The following DPP4 variants were observed in gnomAD, a reference collection of about 807,000 sequenced individuals.
The protein encoded by DPP4 is ADCP-2.
Under a neutral mutation model 122.4 loss-of-function variants are expected in DPP4, and 93 were observed. The ratio of observed to expected loss-of-function variants is 0.76; its 90% CI spans 0.64 to 0.90. DPP4 has a LOEUF of 0.90. DPP4 is among the 40% of genes least tolerant of loss of function. The probability of loss-of-function intolerance (pLI) is 0.00; values close to 1 mark genes in which losing one functional copy is unlikely to be tolerated. For missense variants in DPP4, 914 were observed against 907.3 expected (o/e 1.01, Z -0.09); for synonymous variants, 321 against 302.9 (o/e 1.06, Z -0.62).
chr2:162,045,188 G>T (rs962356571), intron 5 of DPP4, among the ~76,000 whole-genome samples: 1 of 151,910 alleles, frequency 6.6e-6, no homozygotes, highest in South Asian at 2.1e-4. Context: ...CTGTGACAAA[G>T]GAAATAAAGG....
At chr2:162,043,473 G>A (rs1446516681) in intron 5 of DPP4, among the ~76,000 whole-genome samples, 1 of 152,172 alleles carries the variant, frequency 6.6e-6, no homozygotes, top group Non-Finnish European at 1.5e-5. Flanking sequence ...AAAAGCAAAA[G>A]CAGTTAAATA....
At chr2:161,993,940 C>A (rs1700929082) in intron 25 of DPP4, among the ~76,000 whole-genome samples, 1 of 151,940 alleles carries the variant, frequency 6.6e-6, no homozygotes, top group African/African-American at 2.4e-5. Flanking sequence ...GAAGTGAAGT[C>A]AAAAATCAGA....
rs1213940748 is a variant in DPP4, at chr2:162,074,021, C to G, written c.-40G>C. On this transcript the variant is annotated 5_prime_UTR_variant, in exon 1 of 26. Coordinates refer to ENST00000360534, the MANE Select transcript of DPP4 (RefSeq NM_001935.4). The stretch of plus-strand genomic sequence containing the variant: ...CGGAAGTGAGCGTTCAGAGAAGGAG[C>G]GCAGGCAGAAGTCACCGCGGGCGGC... 3.1e-6 allele frequency: 5 copies of G among 1,606,042 alleles called. No homozygotes were observed. The African/African-American group carries it at 4.0e-5, about 13-fold the overall frequency.
intron 10 of DPP4, 108 bp from the exon 11 acceptor site, chr2:162,025,047 G>T: frequency 8.1e-7 from 1 of 1,232,496 alleles, no homozygotes; most frequent in Non-Finnish European, 1.1e-6. Context: ...CAATCTTAAT[G>T]GGAAGTAGAA....
chr2:162,073,489 G>A lies in DPP4; in HGVS notation c.7-3C>T, dbSNP rs1159875012. On this transcript the variant is annotated splice_polypyrimidine_tract_variant and splice_region_variant and intron_variant, in intron 1 of 25. Coordinates refer to ENST00000360534, the MANE Select transcript of DPP4 (RefSeq NM_001935.4). ...CCCAGAAGAACCTTCCACGGTGTCT[G>A]CAAGCCGAGCAGATCAAGTCCAATT... is the stretch of plus-strand genomic sequence containing the variant. 2 of 1,613,680 alleles carry A rather than the reference G, an allele frequency of 1.2e-6. No individual in the cohort carries two copies. Among genetic ancestry groups the A allele is most frequent in the South Asian group, 1.1e-5 (1 of 91,042 alleles).
chr2:162,046,953 A>G lies in DPP4; in HGVS notation c.247T>C (p.Tyr83His). Residue 83 changes from tyrosine to histidine, a missense_variant, in exon 4 of 26, where the codon TAT (tyrosine) becomes CAT (histidine). Physicochemically the swap from Tyr to His is moderately conservative, Grantham distance 83. Transcript: ENST00000360534. ...TCCAAGAAAACTGAGCTGTTTCCATATTCAGCATTGAATACCAAGATATTA... is the reference window on the plus strand; with the variant it reads ...TCCAAGAAAACTGAGCTGTTTCCATGTTCAGCATTGAATACCAAGATATTA... ...ENNILVFNAEYGNSSVFLENS... is the reference protein window; with the variant it reads ...ENNILVFNAEHGNSSVFLENS... 1 of 1,598,418 alleles carries G rather than the reference A, an allele frequency of 6.3e-7. No homozygotes were observed.
chr2:162,017,091 A>G lies in DPP4; in HGVS notation c.1468+17T>C, dbSNP rs1168823359. The G allele has an allele frequency of 1.9e-6, 3 of 1,608,910 alleles. No individual in the cohort carries two copies. The highest frequency in any genetic ancestry group is 1.7e-6 in the Non-Finnish European group (2 of 1,177,376). On this transcript the variant is annotated intron_variant, in intron 17 of 25. Coordinates refer to ENST00000360534, the MANE Select transcript of DPP4 (RefSeq NM_001935.4). ...ACTTTCTTAGAAACAAATGAAGAGT[A>G]AAATATGAGAAAATACCTTTATCAT...
chr2:162,021,973 C>A (rs1683149406), intron 12 of DPP4, among the ~76,000 whole-genome samples: 1 of 152,128 alleles, frequency 6.6e-6, no homozygotes, highest in African/African-American at 2.4e-5. Flanking sequence ...GGGACCTCAC[C>A]TCTATGATCC....
chr2:162,061,255 T>G (rs900790014), intron 2 of DPP4, among the ~76,000 whole-genome samples: 1 of 152,182 alleles, frequency 6.6e-6, no homozygotes, highest in Non-Finnish European at 1.5e-5. Context: ...TGGTTAAGGA[T>G]GCAGAGTGTG....
In DPP4 at chr2:162,047,011, A is replaced by C; in HGVS notation, c.194-5T>G. 6.7e-7 allele frequency: 1 copy of C among 1,501,696 alleles called. No individual in the cohort carries two copies. Among genetic ancestry groups the C allele is most frequent in the South Asian group, 1.2e-5 (1 of 84,988 alleles). 93.0% of individuals were successfully genotyped at this position (1,501,696 alleles called of 1,614,324 possible). A position where few individuals can be genotyped will look rare whatever the true frequency, so the allele number is the denominator to read the frequency against. On this transcript the variant is annotated splice_polypyrimidine_tract_variant and splice_region_variant and intron_variant, in intron 3 of 25. Transcript: ENST00000360534. The stretch of plus-strand genomic sequence containing the variant: ...GTTTGTAGAGATATTCATGATCTAA[A>C]GAGAGAAAACACCCAGATCAAAATT...
intron 10 of DPP4, among the ~76,000 whole-genome samples, chr2:162,030,070 C>T (rs1274228549): frequency 6.6e-6 from 1 of 152,212 alleles, no homozygotes; most frequent in East Asian, 1.9e-4. Flanking sequence ...CAGGATTGGC[C>T]TCTACTGCGT....
intron 23 of DPP4, among the ~76,000 whole-genome samples, chr2:162,002,999 T>C (rs1701189489): frequency 6.6e-6 from 1 of 152,218 alleles, no homozygotes; most frequent in African/African-American, 2.4e-5. Flanking sequence ...CCACCTTAAC[T>C]ATCGCCCTCC....
At chr2:162,070,952 T>TA (rs1281639756) in intron 2 of DPP4, among the ~76,000 whole-genome samples, 2 of 152,192 alleles carry the variant, frequency 1.3e-5, no homozygotes, top group African/African-American at 4.8e-5. Flanking sequence ...CCCTCTCCTT[T>TA]ACCTCTCTCT....
At chr2:161,995,055 C>A in intron 24 of DPP4, 21 bp from the exon 25 acceptor site, 1 of 1,613,468 alleles carries the variant, frequency 6.2e-7, no homozygotes, top group Non-Finnish European at 8.5e-7. Flanking sequence ...AGAAAGGAAA[C>A]ATAAAGTAGC....
intron 14 of DPP4, 111 bp downstream of exon 14, chr2:162,020,118 A>C (rs1460312967): frequency 1.1e-6 from 1 of 906,496 alleles, no homozygotes; most frequent in Non-Finnish European, 1.7e-6. Context: ...TATTGAACAC[A>C]TTCCAAAAAG....
At position 162,022,777 on chromosome 2, in the gene DPP4, C is replaced by T. The variant is rs191729700; in HGVS notation, c.1046G>A (p.Ser349Asn). The T allele has an allele frequency of 6.2e-7, 1 of 1,614,038 alleles. No homozygotes were observed. The highest frequency in any genetic ancestry group is 1.3e-5 in the African/African-American group (1 of 75,030). The change falls in exon 12 of 26, where the codon AGT becomes AAT. Residue 349 changes from serine (S) to asparagine (N), a missense_variant. Physicochemically the swap from Ser to Asn is conservative, Grantham distance 46. Transcript: ENST00000360534. ...TACTCTTCCAACCCAGCCAGTAGTA[C>T]TCATTTCAATGTGTTGCCGTGCCTA... is the stretch of plus-strand genomic sequence containing the variant. The part of the protein sequence containing the change: ...CLVARQHIEM[S>N]TTGWVGRFRP...
intron 14 of DPP4, 125 bp from the exon 15 acceptor site, chr2:162,019,401 C>G (rs1203528134): frequency 1.7e-6 from 1 of 590,852 alleles, no homozygotes; most frequent in African/African-American, 1.9e-5. Flanking sequence ...CGCCGCCCTC[C>G]GCCATCGCTT....
intron 14 of DPP4, 150 bp downstream of exon 14, chr2:162,020,079 A>C (rs1683066184): frequency 1.6e-6 from 1 of 632,606 alleles, no homozygotes; most frequent in South Asian, 2.3e-5. Context: ...AAAATCATTA[A>C]GGCTTCCGTA....
intron 2 of DPP4, among the ~76,000 whole-genome samples, chr2:162,069,001 T>C (rs914955188): frequency 3.3e-5 from 5 of 152,156 alleles, no homozygotes; most frequent in East Asian, 1.9e-4. Flanking sequence ...AACATCTTGA[T>C]TGCAACCTCA....
Sources: gnomAD v4.1 joint callset for allele counts (sites outside exome capture counted in the v4.1 genomes callset) on GRCh38, gnomAD v4.1.1 for gene constraint, MANE v1.5 for transcripts, NCBI Gene and HGNC (gene_info 2026-07-23, HGNC 2026-07-21) for gene names.